The following TXNDC5 variants were observed in gnomAD, a reference collection of about 807,000 sequenced individuals.
The protein encoded by TXNDC5 is thioredoxin domain-containing protein 5.
TXNDC5 carries 44 observed loss-of-function variants against 52.6 expected under a neutral mutation model. That is an observed-to-expected ratio of 0.84 (90% CI 0.66 to 1.08). The LOEUF (loss-of-function observed/expected upper bound fraction) is 1.08. Ranked by LOEUF, TXNDC5 falls within the 50% of genes least tolerant of loss-of-function variation. The pLI, the probability that TXNDC5 is intolerant of heterozygous loss-of-function variation, is 0.00. For synonymous variants in TXNDC5, 241 were observed against 234.4 expected, an observed-to-expected ratio of 1.03 and a Z score of -0.26; for missense variants, 600 against 565.5, an observed-to-expected ratio of 1.06 and a Z score of -0.62.
intron 1 of TXNDC5, chr6:7,909,701 G>T: frequency 1.1e-6 from 1 of 895,334 alleles, no homozygotes; most frequent in Non-Finnish European, 1.3e-6. Flanking sequence ...GGGGGGCGGA[G>T]GGGTTCCAGA....
At chr6:7,889,309 G>A (rs1283985552) in intron 6 of TXNDC5, 186 bp downstream of exon 6, 3 of 563,892 alleles carry the variant, frequency 5.3e-6, no homozygotes, top group African/African-American at 3.7e-5. Context: ...ATGTTTCAAG[G>A]TTCATCTCCA....
rs999540055 is a variant in TXNDC5, at chr6:7,899,778, G to A, written c.414-97C>T. 5 of 876,100 alleles carry A rather than the reference G, an allele frequency of 5.7e-6. No individual in the cohort carries two copies. The African/African-American group carries it at 6.7e-5, about 12-fold the overall frequency. The allele number at this position is 876,100 out of a possible 1,614,324, so 54.3% of individuals were successfully genotyped here. A position where few individuals can be genotyped will look rare whatever the true frequency, so the allele number is the denominator to read the frequency against. On this transcript the variant is annotated intron_variant, in intron 2 of 9. Transcript: ENST00000379757. ...AAACAATCAGAAAATGAGCTGTCAA[G>A]GGGCTGCAGCCAGGCATGTATCTGC...
chr6:7,893,501 G>C (rs1760266820), intron 4 of TXNDC5, among the ~76,000 whole-genome samples: 1 of 152,198 alleles, frequency 6.6e-6, no homozygotes, highest in Non-Finnish European at 1.5e-5. Flanking sequence ...ACACAGCTGT[G>C]TGGCAGTGAC....
chr6:7,892,186 C>T (rs141267791), intron 4 of TXNDC5, among the ~76,000 whole-genome samples: 104 of 152,340 alleles, frequency 6.8e-4, no homozygotes, highest in Non-Finnish European at 7.9e-4. Flanking sequence ...CAAAGAGAGA[C>T]AACTGGACGT....
At chr6:7,888,978 G>T in intron 6 of TXNDC5, 130 bp from the exon 7 acceptor site, 3 of 1,220,830 alleles carry the variant, frequency 2.5e-6, no homozygotes, top group Non-Finnish European at 3.4e-6. Context: ...AAGTCTGCAT[G>T]TTCATATTTA....
intron 5 of TXNDC5, 66 bp downstream of exon 5, chr6:7,891,555 G>A (rs1760190859): frequency 1.5e-6 from 2 of 1,308,616 alleles, no homozygotes; most frequent in Non-Finnish European, 2.2e-6. Flanking sequence ...ATGAATAATG[G>A]GCCACTCTGC....
chr6:7,909,068 G>A (rs773812853), intron 1 of TXNDC5, among the ~76,000 whole-genome samples: 8 of 152,180 alleles, frequency 5.3e-5, no homozygotes, highest in Non-Finnish European at 1.0e-4. Flanking sequence ...GAAACATAAT[G>A]TACTTCATAT....
chr6:7,884,537 T>C (rs1334264483), intron 8 of TXNDC5, 49 bp from the exon 9 acceptor site: 23 of 1,611,878 alleles, frequency 1.4e-5, no homozygotes, highest in Non-Finnish European at 1.9e-5. Flanking sequence ...GTCGAGATCA[T>C]TCACCTACAC....
At chr6:7,901,119 G>T (rs1760551909) in intron 2 of TXNDC5, among the ~76,000 whole-genome samples, 1 of 152,092 alleles carries the variant, frequency 6.6e-6, no homozygotes, top group Non-Finnish European at 1.5e-5. Flanking sequence ...AGCTTCCTCA[G>T]CAGCTCAGAC....
At chr6:7,898,759 C>CA (rs1561812411) in intron 3 of TXNDC5, among the ~76,000 whole-genome samples, 1 of 138,882 alleles carries the variant, frequency 7.2e-6, no homozygotes, top group Non-Finnish European at 1.5e-5. Context: ...AACACTTAAC[C>CA]AGTGGTTTAT....
Position 7,883,211 on chromosome 6 carries a change from T to TGC in TXNDC5, c.1230_1231dup (p.His411ArgfsTer16). 3.1e-6 allele frequency: 5 copies of TGC among 1,614,210 alleles called. No homozygotes were observed. The highest frequency in any genetic ancestry group is 3.4e-6 in the Non-Finnish European group (4 of 1,180,022). On this transcript the variant is annotated frameshift_variant, in exon 10 of 10. Transcript: ENST00000379757. LOFTEE classifies it high-confidence loss of function. The stretch of plus-strand genomic sequence containing the variant: ...CGAGTCAAGGTCTCTGCCTCCACTG[T>TGC]GCTCACTGACTTTCTTCCCTCCTCG...
chr6:7,887,357 C>T (rs1259212747), intron 7 of TXNDC5, among the ~76,000 whole-genome samples: 1 of 152,132 alleles, frequency 6.6e-6, no homozygotes, highest in Non-Finnish European at 1.5e-5. Flanking sequence ...CTGGACACTG[C>T]CACCTACACA....
intron 1 of TXNDC5, chr6:7,910,066 G>A (rs1019791371): frequency 1.0e-6 from 1 of 986,208 alleles, no homozygotes; most frequent in East Asian, 1.1e-4. Context: ...AGGTGCAAGA[G>A]GCGGTTGAAT....
rs1380314352 is a variant in TXNDC5, at chr6:7,886,054, G to A, written c.964-11C>T. ...TGCCAACACAGTGCCCTTCAAGGGA[G>A]GAAAAAGCCACAGTTCAAGTACATC... On this transcript the variant is annotated splice_polypyrimidine_tract_variant and intron_variant, in intron 7 of 9. Coordinates refer to ENST00000379757, the MANE Select transcript of TXNDC5 (RefSeq NM_030810.5). 5 of 1,612,962 alleles carry A rather than the reference G, an allele frequency of 3.1e-6. No homozygotes were observed. The South Asian group carries it at 4.4e-5, about 14-fold the overall frequency.
chr6:7,894,105 AT>A (rs1760290339), intron 4 of TXNDC5, among the ~76,000 whole-genome samples: 1 of 152,140 alleles, frequency 6.6e-6, no homozygotes, highest in Non-Finnish European at 1.5e-5. Context: ...TAACGGTGTC[AT>A]TAAATTCTGG....
chr6:7,890,356 G>A (rs775676919), intron 5 of TXNDC5, among the ~76,000 whole-genome samples: 3 of 148,076 alleles, frequency 2.0e-5, no homozygotes, highest in South Asian at 2.1e-4. Flanking sequence ...GCTAAGGTGC[G>A]GAACTGAAGT....
rs774655675 is a variant in TXNDC5 at position 7,889,491 on chromosome 6, G to A, written c.819+4C>T. The A allele has an allele frequency of 1.9e-5, 31 of 1,612,824 alleles. No individual in the cohort carries two copies. The highest frequency in any genetic ancestry group is 8.0e-5 in the African/African-American group (6 of 74,926). ...ATTCTCAGTACTAAGAAGTGCAGAC[G>A]TACCTTTTTCCCATCTCGGAACCAG... is the stretch of plus-strand genomic sequence containing the variant. On this transcript the variant is annotated splice_donor_region_variant and intron_variant, in intron 6 of 9. Transcript: ENST00000379757.
Position 7,881,540 on chromosome 6 carries a change from AG to A in TXNDC5, c.*1603del, listed in dbSNP as rs1759737832. ...ACTTTTAAAAAAAAAGAGTTTATTT[AG>A]AAAGTATCATAGTGTAAACAAACAA... On this transcript the variant is annotated 3_prime_UTR_variant, in exon 10 of 10. Coordinates refer to ENST00000379757, the MANE Select transcript of TXNDC5 (RefSeq NM_030810.5). 2 of 152,458 alleles carry A rather than the reference AG, an allele frequency of 1.3e-5. No individual in the cohort carries two copies. Among genetic ancestry groups the A allele is most frequent in the Non-Finnish European group, 2.9e-5 (2 of 68,046 alleles). 9.4% of individuals were successfully genotyped at this position (152,458 alleles called of 1,614,324 possible). A position where few individuals can be genotyped will look rare whatever the true frequency, so the allele number is the denominator to read the frequency against.
chr6:7,899,812 G>A, intron 2 of TXNDC5, 131 bp from the exon 3 acceptor site: 1 of 545,786 alleles, frequency 1.8e-6, no homozygotes, highest in Non-Finnish European at 3.2e-6. Flanking sequence ...GCTCCTCTCT[G>A]ATAAAAAGGA....
Sources: allele counts gnomAD v4.1 joint callset (sites outside exome capture counted in the v4.1 genomes callset), GRCh38; gene constraint gnomAD v4.1.1; transcripts MANE v1.5; gene names NCBI Gene and HGNC (gene_info 2026-07-23, HGNC 2026-07-21).